LY9: variants seen among roughly 807,000 people sequenced by gnomAD.
The protein encoded by LY9 is lymphocyte antigen 9.
Under a neutral mutation model 64.6 loss-of-function variants are expected in LY9, and 59 were observed. That is an observed-to-expected ratio of 0.91 (90% CI 0.74 to 1.13). The LOEUF is 1.13. Among genes scored for constraint, LY9 ranks in the 50% most tolerant of loss-of-function variants. The probability of loss-of-function intolerance (pLI) is 0.00; values close to 1 mark genes in which losing one functional copy is unlikely to be tolerated. For synonymous variants in LY9, 281 were observed against 308.5 expected, an observed-to-expected ratio of 0.91 and a Z score of 0.93; for missense variants, 789 against 797.2, an observed-to-expected ratio of 0.99 and a Z score of 0.12.
Position 160,823,472 on chromosome 1 carries a change from A to G in LY9, c.1506A>G (p.Thr502=), listed in dbSNP as rs1668635907. The G allele has an allele frequency of 3.1e-6, 5 of 1,606,934 alleles. No individual in the cohort carries two copies. Among genetic ancestry groups the G allele is most frequent in the Non-Finnish European group, 4.3e-6 (5 of 1,174,180 alleles). ...CTGCACAATGTGTTCCAGAACCCAC[A>G]GCTGGCCACACGCTATACTCTGTGC... ...AEAPADTPEP[T]AGHTLYSVLS... is the part of the protein sequence containing the mutation. The change falls in exon 8 of 10, where the codon ACA becomes ACG. Residue 502 remains threonine (T), a synonymous_variant. Transcript: ENST00000263285.
chr1:160,815,569 T>C (rs1667885561), intron 4 of LY9, among the ~76,000 whole-genome samples: 2 of 152,086 alleles, frequency 1.3e-5, no homozygotes, highest in Admixed American at 6.5e-5. Context: ...GTACTTTTAG[T>C]AGAGATAGGG....
chr1:160,825,953 G>C (rs1207121799), intron 9 of LY9, among the ~76,000 whole-genome samples: 6 of 151,142 alleles, frequency 4.0e-5, no homozygotes, highest in Admixed American at 1.3e-4. Context: ...AACAATTCAG[G>C]GGTTTAGGAG....
intron 2 of LY9, among the ~76,000 whole-genome samples, chr1:160,806,158 T>A (rs1666975352): frequency 6.6e-6 from 1 of 152,170 alleles, no homozygotes; most frequent in Non-Finnish European, 1.5e-5. Context: ...GATAATTTAA[T>A]CCATTTACAT....
At chr1:160,822,294 T>G (rs1478849244) in intron 7 of LY9, among the ~76,000 whole-genome samples, 1 of 152,114 alleles carries the variant, frequency 6.6e-6, no homozygotes, top group East Asian at 1.9e-4. Context: ...TAGTCCAGTT[T>G]GAGGAGGCGG....
chr1:160,802,927 C>A (rs2101750102), intron 2 of LY9, among the ~76,000 whole-genome samples: 1 of 152,182 alleles, frequency 6.6e-6, no homozygotes, highest in Non-Finnish European at 1.5e-5. Flanking sequence ...TAGCTTTGTT[C>A]TTTTTGCTTA....
rs767928696 is a variant in LY9 at position 160,823,702 on chromosome 1, G to T, written c.1736G>T (p.Gly579Val). 9.3e-6 allele frequency: 15 copies of T among 1,614,166 alleles called. No individual in the cohort carries two copies. The East Asian group carries it at 3.1e-4, about 34-fold the overall frequency. ...GCTGGACATGACCCAGCCCCTGAGGGCCAAGCAGACTATGATCCCGTCACT... is the reference window on the plus strand; with the variant it reads ...GCTGGACATGACCCAGCCCCTGAGGTCCAAGCAGACTATGATCCCGTCACT... ...EGAGHDPAPE[G>V]QADYDPVTPY... The change falls in exon 8 of 10, where the codon GGC becomes GTC. Residue 579 changes from glycine to valine, a missense_variant. Coordinates refer to ENST00000263285, the MANE Select transcript of LY9 (RefSeq NM_002348.4).
At chr1:160,816,238 C>T (rs1467900482) in intron 4 of LY9, among the ~76,000 whole-genome samples, 2 of 152,224 alleles carry the variant, frequency 1.3e-5, no homozygotes, top group African/African-American at 4.8e-5. Context: ...AGCCTCAAAG[C>T]CAAGCCTTGA....
intron 2 of LY9, among the ~76,000 whole-genome samples, chr1:160,808,410 G>T (rs572693905): frequency 2.0e-5 from 3 of 152,322 alleles, no homozygotes; most frequent in Admixed American, 6.5e-5. Flanking sequence ...TACTATAACT[G>T]CAGAGGTCTC....
In LY9 at chr1:160,796,326, T is replaced by C. The variant is rs1412105430; in HGVS notation, c.124+15T>C. 1.9e-6 allele frequency: 3 copies of C among 1,610,084 alleles called. No homozygotes were observed. The highest frequency in any genetic ancestry group is 1.3e-5 in the African/African-American group (1 of 74,902). On this transcript the variant is annotated intron_variant, in intron 1 of 9. Transcript: ENST00000263285. ...CCTGCTCATGGGTAAGTCCACTTTA[T>C]GGCCACCACTTCTTGCTACTGCGGT...
chr1:160,797,399 TG>T (rs1259595007), intron 1 of LY9: 1 of 475,566 alleles, frequency 2.1e-6, no homozygotes, highest in East Asian at 1.5e-4. Context: ...AGGTCCAGTC[TG>T]ACCTCTTTTC....
chr1:160,821,885 C>A (rs922418850), intron 7 of LY9, among the ~76,000 whole-genome samples: 1 of 152,214 alleles, frequency 6.6e-6, no homozygotes, highest in Admixed American at 6.5e-5. Context: ...GTAGTCAAAT[C>A]CTGGCCCTAC....
At chr1:160,800,970 GAC>G (rs756923035) in intron 2 of LY9, among the ~76,000 whole-genome samples, 59 of 152,100 alleles carry the variant, frequency 3.9e-4, no homozygotes, top group Non-Finnish European at 3.8e-4. Flanking sequence ...TCCGCTAAGG[GAC>G]ACAGATTAAT....
chr1:160,816,729 C>T lies in LY9; in HGVS notation c.1208C>T (p.Ala403Val), dbSNP rs1194074942. 2 of 1,614,254 alleles carry T rather than the reference C, an allele frequency of 1.2e-6. No homozygotes were observed. Among genetic ancestry groups the T allele is most frequent in the East Asian group, 4.5e-5 (2 of 44,890 alleles). ...MYTWTPLQKE[A>V]VVSQGESHLN... ...ACATGGACCCCGCTGCAGAAGGAAGCTGTTGTGTCCCAAGGGGAATCACAC... is the reference window on the plus strand; with the variant it reads ...ACATGGACCCCGCTGCAGAAGGAAGTTGTTGTGTCCCAAGGGGAATCACAC... The change falls in exon 5 of 10, where the codon GCT (alanine) becomes GTT (valine). Residue 403 changes from alanine to valine, a missense_variant. Ala to Val is a moderately conservative substitution (Grantham distance 64, BLOSUM62 0). Transcript: ENST00000263285.
Position 160,823,666 on chromosome 1 carries a change from C to T in LY9, c.1700C>T (p.Thr567Ile), listed in dbSNP as rs1360519362. The T allele has an allele frequency of 1.9e-6, 3 of 1,614,144 alleles. No individual in the cohort carries two copies. The highest frequency in any genetic ancestry group is 1.7e-6 in the Non-Finnish European group (2 of 1,180,018). Residue 567 changes from threonine (T) to isoleucine (I), a missense_variant, in exon 8 of 10, where the codon ACT (threonine) becomes ATT (isoleucine). Transcript: ENST00000263285. ...AGATATGAGGTATTTGACCAGGTCA[C>T]TCAGGAGGGCGCTGGACATGACCCA... is the stretch of plus-strand genomic sequence containing the variant. ...SGRYEVFDQV[T>I]QEGAGHDPAP...
chr1:160,806,705 A>T (rs568739817), intron 2 of LY9, among the ~76,000 whole-genome samples: 6 of 152,116 alleles, frequency 3.9e-5, no homozygotes, highest in African/African-American at 1.4e-4. Context: ...TGTCATGGAG[A>T]TCTTTTTGCA....
At chr1:160,803,441 C>A (rs1465329533) in intron 2 of LY9, among the ~76,000 whole-genome samples, 1 of 151,980 alleles carries the variant, frequency 6.6e-6, no homozygotes, top group African/African-American at 2.4e-5. Flanking sequence ...GATATTTCTC[C>A]ATTTGTTTGT....
intron 7 of LY9, among the ~76,000 whole-genome samples, chr1:160,822,202 GAA>G (rs1180236497): frequency 3.9e-5 from 6 of 151,984 alleles, no homozygotes; most frequent in African/African-American, 2.4e-5. Context: ...TAGAAGAAAA[GAA>G]AAAGAGAAAC....
intron 1 of LY9, chr1:160,797,136 G>A (rs1044417435): frequency 4.6e-5 from 45 of 985,496 alleles, no homozygotes; most frequent in East Asian, 1.1e-4. Context: ...ACATCTCTCC[G>A]CTGCATGGCC....
chr1:160,816,924 C>T lies in LY9; in HGVS notation c.1342+61C>T. ...CCTTGGGGCCTCCAAGAGTTTGCATCCTGACTGATTCTTTATGAAGTGCAG... is the reference window on the plus strand; with the variant it reads ...CCTTGGGGCCTCCAAGAGTTTGCATTCTGACTGATTCTTTATGAAGTGCAG... On this transcript the variant is annotated intron_variant, in intron 5 of 9. Coordinates refer to ENST00000263285, the MANE Select transcript of LY9 (RefSeq NM_002348.4). The T allele has an allele frequency of 1.9e-6, 3 of 1,552,564 alleles. No homozygotes were observed. The South Asian group carries it at 3.4e-5, about 18-fold the overall frequency.
Sources: allele counts gnomAD v4.1 joint callset (sites outside exome capture counted in the v4.1 genomes callset), GRCh38; gene constraint gnomAD v4.1.1; transcripts MANE v1.5; gene names NCBI Gene and HGNC (gene_info 2026-07-23, HGNC 2026-07-21).